The following SCFD2 variants were observed in gnomAD, a reference collection of about 807,000 sequenced individuals.
SCFD2 encodes sec1 family domain-containing protein 2.
In SCFD2, 54 loss-of-function variants were observed where a neutral mutation model predicts 58.9. The observed-to-expected ratio is 0.92, with a 90% CI of 0.74 to 1.15. The LOEUF (loss-of-function observed/expected upper bound fraction) is 1.15. Among genes scored for constraint, SCFD2 ranks in the 50% most tolerant of loss-of-function variants. The pLI is 0.00. For synonymous variants in SCFD2, 321 were observed against 335.9 expected (o/e 0.96, Z 0.49); for missense variants, 805 against 836.6 (o/e 0.96, Z 0.47).
intron 5 of SCFD2, chr4:52,948,488 G>A (rs1281721656): frequency 2.2e-6 from 1 of 456,430 alleles, no homozygotes; most frequent in Non-Finnish European, 4.4e-6. Context: ...GTGACCTTCA[G>A]GTTATCTTGA....
intron 4 of SCFD2, among the ~76,000 whole-genome samples, chr4:53,199,365 A>G (rs1728156820): frequency 6.6e-6 from 1 of 152,130 alleles, no homozygotes; most frequent in South Asian, 2.1e-4. Flanking sequence ...AGATGATTAC[A>G]AACAACAGAG....
At chr4:52,994,886 CTATGTTAATGATAGCAACCAACATCTG>C in intron 5 of SCFD2, among the ~76,000 whole-genome samples, 1 of 152,242 alleles carries the variant, frequency 6.6e-6, no homozygotes, top group South Asian at 2.1e-4. Context: ...CAAACACCTA[CTATGTTAATGATAGCAACCAACATCTG>C]TTGCTGGAGA....
chr4:52,996,641 G>C (rs1311132509), intron 5 of SCFD2, among the ~76,000 whole-genome samples: 1 of 152,232 alleles, frequency 6.6e-6, no homozygotes, highest in Non-Finnish European at 1.5e-5. Flanking sequence ...AGAACAAAAT[G>C]AAATTCTAAC....
At chr4:53,065,193 T>A (rs1295172327) in intron 5 of SCFD2, among the ~76,000 whole-genome samples, 1 of 152,112 alleles carries the variant, frequency 6.6e-6, no homozygotes, top group Non-Finnish European at 1.5e-5. Context: ...GACAGGCATA[T>A]AACTAGCAGC....
At chr4:53,057,326 G>A (rs901499098) in intron 5 of SCFD2, among the ~76,000 whole-genome samples, 1 of 152,130 alleles carries the variant, frequency 6.6e-6, no homozygotes, top group Non-Finnish European at 1.5e-5. Context: ...ATACTATGCA[G>A]CCATAAAAAG....
chr4:53,217,895 C>T (rs1728906239), intron 4 of SCFD2, among the ~76,000 whole-genome samples: 2 of 152,176 alleles, frequency 1.3e-5, no homozygotes, highest in South Asian at 4.1e-4. Flanking sequence ...TTCTCCTTCA[C>T]TTATGAAGCT....
At chr4:53,284,490 T>C (rs1731603461) in intron 3 of SCFD2, among the ~76,000 whole-genome samples, 1 of 152,208 alleles carries the variant, frequency 6.6e-6, no homozygotes, top group African/African-American at 2.4e-5. Context: ...CTTGTGCTAG[T>C]ATAACTTTTG....
intron 5 of SCFD2, among the ~76,000 whole-genome samples, chr4:53,062,669 G>A (rs906158726): frequency 6.6e-6 from 1 of 152,026 alleles, no homozygotes; most frequent in African/African-American, 2.4e-5. Flanking sequence ...ATCCAAATCA[G>A]GTGTTCTTCC....
At chr4:52,880,627 A>G (rs1431171737) in intron 8 of SCFD2, among the ~76,000 whole-genome samples, 1 of 151,880 alleles carries the variant, frequency 6.6e-6, no homozygotes, top group East Asian at 1.9e-4. Flanking sequence ...AAAAAAAAAA[A>G]AAAAGAAAAA....
At chr4:53,024,780 T>C (rs1317749357) in intron 5 of SCFD2, among the ~76,000 whole-genome samples, 1 of 151,050 alleles carries the variant, frequency 6.6e-6, no homozygotes, top group Non-Finnish European at 1.5e-5. Flanking sequence ...TCTGAAGGGG[T>C]TCCAGAGTCC....
At chr4:53,152,431 T>C (rs980247426) in intron 4 of SCFD2, among the ~76,000 whole-genome samples, 3 of 152,148 alleles carry the variant, frequency 2.0e-5, no homozygotes, top group Non-Finnish European at 2.9e-5. Context: ...AAACGTCTCA[T>C]ACATTGCTAC....
At chr4:53,248,012 T>A (rs902674488) in intron 4 of SCFD2, among the ~76,000 whole-genome samples, 1 of 152,150 alleles carries the variant, frequency 6.6e-6, no homozygotes, top group Non-Finnish European at 1.5e-5. Flanking sequence ...TCTGAGGTAC[T>A]GGGTTCATCT....
At chr4:53,008,587 C>T (rs1472998494) in intron 5 of SCFD2, among the ~76,000 whole-genome samples, 1 of 152,144 alleles carries the variant, frequency 6.6e-6, no homozygotes, top group Middle Eastern at 3.2e-3. Context: ...TAAACTTGCT[C>T]AGTGAGGTGG....
At chr4:53,205,455 T>A (rs1453942866) in intron 4 of SCFD2, among the ~76,000 whole-genome samples, 1 of 152,004 alleles carries the variant, frequency 6.6e-6, no homozygotes, top group Non-Finnish European at 1.5e-5. Flanking sequence ...AGAACTGGAA[T>A]TCCTAAGATA....
intron 4 of SCFD2, among the ~76,000 whole-genome samples, chr4:53,268,664 G>A (rs1731066926): frequency 6.6e-6 from 1 of 152,170 alleles, no homozygotes; most frequent in African/African-American, 2.4e-5. Flanking sequence ...GAGGCATGAG[G>A]AGGGCCTCTA....
intron 5 of SCFD2, among the ~76,000 whole-genome samples, chr4:53,109,306 C>T (rs1450199469): frequency 1.3e-5 from 2 of 152,142 alleles, no homozygotes; most frequent in African/African-American, 4.8e-5. Flanking sequence ...AAAACCAGCA[C>T]AAGACAAGGA....
intron 5 of SCFD2, among the ~76,000 whole-genome samples, chr4:53,118,894 T>A (rs1466545230): frequency 5.3e-5 from 8 of 152,084 alleles, no homozygotes; most frequent in Non-Finnish European, 1.5e-5. Flanking sequence ...CCATATCACA[T>A]GGGGGAACAA....
At chr4:53,027,512 G>A (rs910348318) in intron 5 of SCFD2, among the ~76,000 whole-genome samples, 16 of 152,162 alleles carry the variant, frequency 1.1e-4, no homozygotes, top group African/African-American at 2.9e-4. Context: ...AGAAGAGTAT[G>A]AACAATTAAT....
intron 5 of SCFD2, among the ~76,000 whole-genome samples, chr4:53,062,183 C>T (rs548389909): frequency 7.9e-5 from 12 of 151,710 alleles, no homozygotes; most frequent in East Asian, 3.9e-4. Context: ...ACCAGGCTGG[C>T]GAACAGGGCA....
Sources: allele counts gnomAD v4.1 joint callset (sites outside exome capture counted in the v4.1 genomes callset), GRCh38; gene constraint gnomAD v4.1.1; transcripts MANE v1.5; gene names NCBI Gene and HGNC (gene_info 2026-07-23, HGNC 2026-07-21).